LINGO2: variants seen among roughly 807,000 people sequenced by gnomAD.
LINGO2 encodes the protein leucine-rich repeat and immunoglobulin-like domain-containing nogo receptor-interacting protein 2.
A neutral mutation model predicts 30.6 loss-of-function variants in LINGO2; 14 were observed. The ratio of observed to expected loss-of-function variants is 0.46; its 90% CI spans 0.30 to 0.72. The LOEUF (loss-of-function observed/expected upper bound fraction) is 0.72. Among genes scored for constraint, LINGO2 ranks in the 30% least tolerant of loss-of-function variants. The pLI, the probability that LINGO2 is intolerant of heterozygous loss-of-function variation, is 0.07. For synonymous variants in LINGO2, 317 were observed against 288.5 expected, an observed-to-expected ratio of 1.10 and a Z score of -1.00; for missense variants, 729 against 751.7, an observed-to-expected ratio of 0.97 and a Z score of 0.35.
At chr9:28,549,305 CAGTTTT>C (rs1822143605) in intron 1 of LINGO2, among the ~76,000 whole-genome samples, 1 of 152,012 alleles carries the variant, frequency 6.6e-6, no homozygotes, top group African/African-American at 2.4e-5. Flanking sequence ...TTAATGAACG[CAGTTTT>C]AGTTCATTAA....
chr9:28,825,466 T>C, the LINGO2 span, among the ~76,000 whole-genome samples: 151 of 151,958 alleles, frequency 9.9e-4, no homozygotes, highest in Admixed American at 2.4e-3. Flanking sequence ...ATTAAGAAGC[T>C]TTCTACTAAA....
the LINGO2 span, among the ~76,000 whole-genome samples, chr9:28,785,454 T>C: frequency 1.0e-3 from 156 of 152,324 alleles, 1 homozygote; most frequent in African/African-American, 3.5e-3. Context: ...CTCTCTATAA[T>C]ATCACACTAT....
chr9:29,210,212 A>G, the LINGO2 span, among the ~76,000 whole-genome samples: 1 of 152,294 alleles, frequency 6.6e-6, no homozygotes, highest in South Asian at 2.1e-4. Context: ...ATTAGAGAGG[A>G]AAGCATCTTT....
chr9:28,854,400 G>A, the LINGO2 span, among the ~76,000 whole-genome samples: 1 of 151,952 alleles, frequency 6.6e-6, no homozygotes, highest in East Asian at 1.9e-4. Flanking sequence ...AAAAGTATGT[G>A]CAGCATTAAA....
intron 4 of LINGO2, among the ~76,000 whole-genome samples, chr9:28,032,539 C>A (rs1823732191): frequency 6.6e-6 from 1 of 152,186 alleles, no homozygotes; most frequent in Non-Finnish European, 1.5e-5. Context: ...TCTCTCAGTG[C>A]CTTTGGGCAT....
chr9:28,681,537 AAAG>A, the LINGO2 span, among the ~76,000 whole-genome samples: 2 of 152,074 alleles, frequency 1.3e-5, no homozygotes, highest in Non-Finnish European at 2.9e-5. Flanking sequence ...AACACACAAA[AAAG>A]AAGTAGTAAG....
At chr9:28,773,749 G>A in the LINGO2 span, among the ~76,000 whole-genome samples, 1 of 152,134 alleles carries the variant, frequency 6.6e-6, no homozygotes, top group African/African-American at 2.4e-5. Context: ...GATGTGGAGA[G>A]CAGGCTTGTG....
At chr9:28,907,412 A>AT in the LINGO2 span, among the ~76,000 whole-genome samples, 147 of 151,450 alleles carry the variant, frequency 9.7e-4, no homozygotes, top group African/African-American at 3.2e-3. Flanking sequence ...AGTCTTAAAA[A>AT]TTTTTTTTTG....
chr9:28,221,298 TAAAA>T (rs141151588), intron 4 of LINGO2, among the ~76,000 whole-genome samples: 57,975 of 83,374 alleles, frequency 0.7, 19,870 homozygotes, highest in South Asian at 0.78. Context: ...AGACCCCGTC[TAAAA>T]AAAAAAAAAA....
chr9:28,708,526 T>C, the LINGO2 span, among the ~76,000 whole-genome samples: 1 of 152,098 alleles, frequency 6.6e-6, no homozygotes, highest in African/African-American at 2.4e-5. Flanking sequence ...ATAAAATGCT[T>C]ATCTTTGTCT....
intron 4 of LINGO2, among the ~76,000 whole-genome samples, chr9:28,178,782 T>C (rs1480890460): frequency 6.6e-6 from 1 of 152,180 alleles, no homozygotes; most frequent in East Asian, 1.9e-4. Context: ...AATATTATTA[T>C]TGGCAGCTGG....
intron 4 of LINGO2, among the ~76,000 whole-genome samples, chr9:28,229,332 A>G (rs1821277999): frequency 6.6e-6 from 1 of 151,866 alleles, no homozygotes; most frequent in Admixed American, 6.6e-5. Flanking sequence ...TGACAATAAT[A>G]TATGTTGATA....
intron 4 of LINGO2, among the ~76,000 whole-genome samples, chr9:28,030,572 C>A (rs569485744): frequency 6.6e-6 from 1 of 152,270 alleles, no homozygotes; most frequent in Non-Finnish European, 1.5e-5. Flanking sequence ...TAAGTGTTGG[C>A]TACTCAATGC....
intron 4 of LINGO2, among the ~76,000 whole-genome samples, chr9:28,278,764 A>G (rs931519307): frequency 5.3e-5 from 8 of 152,206 alleles, no homozygotes; most frequent in Non-Finnish European, 1.0e-4. Context: ...CACAACATTC[A>G]TTCTGCAGCC....
the LINGO2 span, among the ~76,000 whole-genome samples, chr9:28,722,516 T>G: frequency 2.6e-5 from 4 of 152,208 alleles, no homozygotes; most frequent in East Asian, 7.7e-4. Flanking sequence ...GTGGCATTTC[T>G]TTTTACTAAG....
At chr9:28,908,116 T>C in the LINGO2 span, among the ~76,000 whole-genome samples, 1 of 149,210 alleles carries the variant, frequency 6.7e-6, no homozygotes, top group South Asian at 2.1e-4. Flanking sequence ...TAGAAACTAT[T>C]ACATCTTCAA....
the LINGO2 span, among the ~76,000 whole-genome samples, chr9:28,993,682 A>T: frequency 8.0e-4 from 120 of 150,074 alleles, 5 homozygotes; most frequent in South Asian, 7.7e-3. Flanking sequence ...TCAAGTGGGC[A>T]TCATCCCTGG....
the LINGO2 span, among the ~76,000 whole-genome samples, chr9:29,093,029 G>GTATATATATATATATATATA: frequency 3.1e-4 from 31 of 98,548 alleles, no homozygotes; most frequent in African/African-American, 1.1e-3. Context: ...TAATGTGTGT[G>GTATATATATATATATATATA]TATATATATA....
At chr9:28,275,540 TAC>T (rs2134105485) in intron 4 of LINGO2, among the ~76,000 whole-genome samples, 2 of 152,284 alleles carry the variant, frequency 1.3e-5, no homozygotes, top group South Asian at 2.1e-4. Context: ...TCTTAACTCT[TAC>T]ACTCCTCCTA....
Sources: gnomAD v4.1 joint callset for allele counts (sites outside exome capture counted in the v4.1 genomes callset) on GRCh38, gnomAD v4.1.1 for gene constraint, MANE v1.5 for transcripts, NCBI Gene and HGNC (gene_info 2026-07-23, HGNC 2026-07-21) for gene names.